SCN3A: variants seen among roughly 807,000 people sequenced by gnomAD.
SCN3A encodes sodium channel protein type 3 subunit alpha.
A neutral mutation model predicts 187.6 loss-of-function variants in SCN3A; 60 were observed. The ratio of observed to expected loss-of-function variants is 0.32; its 90% confidence interval spans 0.26 to 0.40. The LOEUF (loss-of-function observed/expected upper bound fraction) is 0.40, where lower values mean the gene tolerates loss of function less well. SCN3A is among the 10% of genes least tolerant of loss of function. SCN3A has a pLI of 1.00. For missense variants in SCN3A, 1,601 were observed against 2,428.2 expected (o/e 0.66, Z 7.16); for synonymous variants, 788 against 829.2 (o/e 0.95, Z 0.85).
At chr2:165,103,196 G>T (rs985567596) in intron 21 of SCN3A, among the ~76,000 whole-genome samples, 4 of 152,132 alleles carry the variant, frequency 2.6e-5, no homozygotes, top group African/African-American at 9.7e-5. Flanking sequence ...GAATTTTAAA[G>T]ATTTGCAACA....
chr2:165,108,527 C>T (rs1331423796), intron 21 of SCN3A, among the ~76,000 whole-genome samples: 5 of 152,080 alleles, frequency 3.3e-5, no homozygotes, highest in African/African-American at 1.2e-4. Context: ...ATGGTTGAAT[C>T]TTTTACTAGA....
chr2:165,179,325 G>C (rs1238906257), intron 2 of SCN3A, among the ~76,000 whole-genome samples: 1 of 152,086 alleles, frequency 6.6e-6, no homozygotes, highest in Non-Finnish European at 1.5e-5. Flanking sequence ...CACAGAAATG[G>C]CTGCCCTTTT....
At chr2:165,122,251 T>G (rs1686726320) in intron 18 of SCN3A, among the ~76,000 whole-genome samples, 1 of 149,982 alleles carries the variant, frequency 6.7e-6, no homozygotes, top group Admixed American at 6.6e-5. Context: ...TTTTTTTTTT[T>G]TTTACAGAAC....
intron 9 of SCN3A, 150 bp downstream of exon 9, chr2:165,162,158 T>C (rs951062487): frequency 6.3e-5 from 45 of 710,852 alleles, no homozygotes; most frequent in Middle Eastern, 4.0e-4. Flanking sequence ...GGCAATCCGG[T>C]AAGGCAGACA....
intron 21 of SCN3A, among the ~76,000 whole-genome samples, chr2:165,109,332 T>C (rs555393639): frequency 6.6e-6 from 1 of 152,272 alleles, no homozygotes; most frequent in Non-Finnish European, 1.5e-5. Context: ...TAAATTTATA[T>C]ACATAAGATT....
At chr2:165,101,404 C>G (rs1322836105) in intron 21 of SCN3A, among the ~76,000 whole-genome samples, 1 of 152,110 alleles carries the variant, frequency 6.6e-6, no homozygotes, top group Non-Finnish European at 1.5e-5. Context: ...GCTACCATTA[C>G]CATCACCTCT....
At chr2:165,102,913 T>C (rs1252636201) in intron 21 of SCN3A, among the ~76,000 whole-genome samples, 1 of 152,228 alleles carries the variant, frequency 6.6e-6, no homozygotes, top group Non-Finnish European at 1.5e-5. Context: ...ATTTAAAATA[T>C]TTTTAGGACT....
intron 3 of SCN3A, among the ~76,000 whole-genome samples, chr2:165,174,772 G>C (rs1318096560): frequency 6.6e-6 from 1 of 151,996 alleles, no homozygotes; most frequent in African/African-American, 2.4e-5. Context: ...CAATTCTATA[G>C]TAAATTGTTG....
At chr2:165,146,656 C>T (rs1447433710) in intron 12 of SCN3A, 83 bp downstream of exon 12, 2 of 1,494,778 alleles carry the variant, frequency 1.3e-6, no homozygotes, top group Non-Finnish European at 9.3e-7. Flanking sequence ...TCAGATAGTA[C>T]AAAAGTGTAC....
rs144922708 is a variant in SCN3A, at chr2:165,149,852, A to G, written c.1381-2823T>C. On this transcript the variant is annotated intron_variant, in intron 11 of 27. Coordinates refer to ENST00000283254, the MANE Select transcript of SCN3A (RefSeq NM_006922.4). ...TTCTTATAACATTTTTGTGTGATTC[A>G]AAGTAGGCTCTGTAACTCACTGTAT... Among the ~76,000 whole-genome samples the G allele has an allele frequency of 6.9e-3, 1,044 of 152,332 alleles. 21 individuals carry two copies. Among genetic ancestry groups the G allele is most frequent in the African/African-American group, 0.023 (947 of 41,560 alleles).
chr2:165,185,579 A>G (rs1383230906), intron 2 of SCN3A, among the ~76,000 whole-genome samples: 1 of 152,200 alleles, frequency 6.6e-6, no homozygotes, highest in African/African-American at 2.4e-5. Context: ...CCAATCTGAG[A>G]GCAAAGCTGA....
chr2:165,118,500 T>C (rs1224961392), intron 18 of SCN3A, among the ~76,000 whole-genome samples: 4 of 152,128 alleles, frequency 2.6e-5, no homozygotes, highest in African/African-American at 9.7e-5. Context: ...CACTAAAAAG[T>C]GTTTTATGGG....
Position 165,089,991 on chromosome 2 carries a change from A to G in SCN3A, c.*159T>C, listed in dbSNP as rs1295551584. The G allele has an allele frequency of 1.0e-6, 1 of 959,546 alleles. No individual in the cohort carries two copies. Among genetic ancestry groups the G allele is most frequent in the East Asian group, 2.6e-5 (1 of 37,860 alleles). 59.4% of individuals were successfully genotyped at this position (959,546 alleles called of 1,614,324 possible). On this transcript the variant is annotated 3_prime_UTR_variant, in exon 28 of 28. Coordinates refer to ENST00000283254, the MANE Select transcript of SCN3A (RefSeq NM_006922.4). ...TACCCTGCTTCACAGAGTTGCAGTG[A>G]CAGAGAGGTCACTTCACTGTCTTGT... is the stretch of plus-strand genomic sequence containing the variant.
intron 12 of SCN3A, among the ~76,000 whole-genome samples, chr2:165,143,343 G>T (rs147738372): frequency 1.3e-5 from 2 of 152,256 alleles, no homozygotes; most frequent in African/African-American, 4.8e-5. Flanking sequence ...GGTCTACACA[G>T]TATTGGTTGG....
Position 165,091,314 on chromosome 2 carries a change from A to G in SCN3A, c.4839T>C (p.Tyr1613=). The G allele has an allele frequency of 6.2e-7, 1 of 1,614,056 alleles. No homozygotes were observed. Among genetic ancestry groups the G allele is most frequent in the Admixed American group, 1.7e-5 (1 of 59,988 alleles). ...CTCGGAACAAGGTAGGGGACACAAA[A>G]TACTTTTCTATCATCTCAGCCAGAA... ...GMFLAEMIEK[Y]FVSPTLFRVI... The change falls in exon 28 of 28, where the codon TAT becomes TAC. Residue 1613 remains tyrosine (Y), a synonymous_variant. Transcript: ENST00000283254.
intron 21 of SCN3A, 75 bp downstream of exon 21, chr2:165,112,809 TA>T (rs1686184568): frequency 1.5e-6 from 2 of 1,301,726 alleles, no homozygotes; most frequent in South Asian, 2.5e-5. Context: ...GTGAAAGTTT[TA>T]ATAACAGAAA....
At chr2:165,094,538 AT>A (rs759102424) in intron 25 of SCN3A, 60 bp from the exon 26 acceptor site, 17 of 1,094,374 alleles carry the variant, frequency 1.6e-5, no homozygotes, top group African/African-American at 6.2e-5. Flanking sequence ...TTCACAAAAA[AT>A]ATTTGTCTTT....
At position 165,097,326 on chromosome 2, in the gene SCN3A, T is replaced by G; in HGVS notation, c.4165A>C (p.Lys1389Gln). ...NNLSDCQALG[K>Q]QARWKNVKVN... ...TTCACGTTTTTCCACCGAGCTTGCT[T>G]GCCAAGAGCCTGACAGTCACTCAAA... The change falls in exon 23 of 28, where the codon AAG (lysine) becomes CAG (glutamine). Residue 1389 changes from lysine to glutamine, a missense_variant. Transcript: ENST00000283254. 1 of 1,614,112 alleles carries G rather than the reference T, an allele frequency of 6.2e-7. No individual in the cohort carries two copies. Among genetic ancestry groups the G allele is most frequent in the Non-Finnish European group, 8.5e-7 (1 of 1,180,000 alleles).
At chr2:165,150,154 A>G (rs1688609408) in intron 11 of SCN3A, among the ~76,000 whole-genome samples, 1 of 152,226 alleles carries the variant, frequency 6.6e-6, no homozygotes, top group Non-Finnish European at 1.5e-5. Context: ...CACAATTAGA[A>G]TGATCTAGGA....
Sources: allele counts gnomAD v4.1 joint callset (sites outside exome capture counted in the v4.1 genomes callset), GRCh38; gene constraint gnomAD v4.1.1; transcripts MANE v1.5; gene names NCBI Gene and HGNC (gene_info 2026-07-23, HGNC 2026-07-21).